Variants in TPRG1 observed in about 807,000 individuals in gnomAD.
The protein encoded by TPRG1 is tumor protein p63 regulated 1.
Under a neutral mutation model 29.3 loss-of-function variants are expected in TPRG1, and 29 were observed. The ratio of observed to expected loss-of-function variants is 0.99; its 90% CI spans 0.74 to 1.35. The LOEUF is 1.35. Among genes scored for constraint, TPRG1 ranks in the 40% most tolerant of loss-of-function variants. TPRG1 has a pLI of 0.00. For synonymous variants in TPRG1, 130 were observed against 116.8 expected (o/e 1.11, Z -0.73); for missense variants, 327 against 335.0 (o/e 0.98, Z 0.19).
chr3:189,059,746 A>G (rs1393014902), intron 4 of TPRG1, among the ~76,000 whole-genome samples: 1 of 152,240 alleles, frequency 6.6e-6, no homozygotes, highest in Non-Finnish European at 1.5e-5. Context: ...GTAGTTATAT[A>G]GCTGGGATTC....
intron 4 of TPRG1, among the ~76,000 whole-genome samples, chr3:189,245,708 A>G (rs1474072964): frequency 6.6e-6 from 1 of 152,092 alleles, no homozygotes. Flanking sequence ...TGCTATTTAG[A>G]TTATATATAT....
At chr3:189,202,822 A>G (rs1439952507) in intron 1 of TPRG1, among the ~76,000 whole-genome samples, 1 of 152,160 alleles carries the variant, frequency 6.6e-6, no homozygotes, top group East Asian at 1.9e-4. Flanking sequence ...GTCCTGCTTC[A>G]TGGAAGCCGT....
intron 5 of TPRG1, among the ~76,000 whole-genome samples, chr3:189,311,644 C>T (rs543662372): frequency 6.6e-6 from 1 of 152,244 alleles, no homozygotes; most frequent in South Asian, 2.1e-4. Flanking sequence ...ATGTTCCTCT[C>T]AAGAATTATG....
intron 1 of TPRG1, among the ~76,000 whole-genome samples, chr3:189,198,210 C>G (rs1732867072): frequency 6.6e-6 from 1 of 152,144 alleles, no homozygotes; most frequent in Non-Finnish European, 1.5e-5. Context: ...CACACATTTG[C>G]CTGGAACATC....
intron 1 of TPRG1, among the ~76,000 whole-genome samples, chr3:189,189,811 C>G (rs1369913406): frequency 6.6e-6 from 1 of 152,190 alleles, no homozygotes; most frequent in Non-Finnish European, 1.5e-5. Context: ...ATAGCATTTT[C>G]TAATAAGTAT....
chr3:189,167,919 C>T (rs1728355198), upstream of TPRG1, among the ~76,000 whole-genome samples: 1 of 152,172 alleles, frequency 6.6e-6, no homozygotes, highest in African/African-American at 2.4e-5. Flanking sequence ...AGACGATCCT[C>T]TGAAGGTCAC....
chr3:189,207,719 A>G (rs935615922), intron 2 of TPRG1, 125 bp downstream of exon 2: 2 of 863,648 alleles, frequency 2.3e-6, no homozygotes, highest in African/African-American at 3.4e-5. Context: ...CATAATAATC[A>G]TGAAGTAGCT....
intron 3 of TPRG1, among the ~76,000 whole-genome samples, chr3:189,224,051 A>T (rs185660279): frequency 4.6e-5 from 7 of 152,340 alleles, no homozygotes; most frequent in Non-Finnish European, 1.0e-4. Flanking sequence ...GTCACAACAG[A>T]GTATGATACA....
At chr3:189,105,810 T>G (rs1033851416) in intron 1 of TPRG1, among the ~76,000 whole-genome samples, 4 of 152,160 alleles carry the variant, frequency 2.6e-5, no homozygotes, top group African/African-American at 9.7e-5. Context: ...AAGCTTACTT[T>G]GGATATAGAG....
At chr3:189,144,576 T>G (rs1724998368) in intron 3 of TPRG1, among the ~76,000 whole-genome samples, 1 of 152,190 alleles carries the variant, frequency 6.6e-6, no homozygotes, top group South Asian at 2.1e-4. Flanking sequence ...TTTTCTCTTT[T>G]AATAAAGGGG....
chr3:189,070,257 G>A (rs745673445), intron 4 of TPRG1, among the ~76,000 whole-genome samples: 27 of 152,154 alleles, frequency 1.8e-4, no homozygotes, highest in Non-Finnish European at 3.5e-4. Flanking sequence ...AGGGAGTCGT[G>A]ATGAAAGAGG....
intron 4 of TPRG1, among the ~76,000 whole-genome samples, chr3:189,065,631 A>C (rs1716388792): frequency 6.6e-6 from 1 of 152,186 alleles, no homozygotes; most frequent in Non-Finnish European, 1.5e-5. Flanking sequence ...CAGGATAAAA[A>C]CATTTAGCAA....
chr3:189,167,626 C>A (rs1439027293), upstream of TPRG1, among the ~76,000 whole-genome samples: 1 of 152,186 alleles, frequency 6.6e-6, no homozygotes, highest in Non-Finnish European at 1.5e-5. Flanking sequence ...CTTCTACCTG[C>A]AGGCCTGTGT....
Position 189,315,498 on chromosome 3 carries a change from A to G in TPRG1, c.633+4959A>G, listed in dbSNP as rs556242499. On this transcript the variant is annotated intron_variant, in intron 5 of 5. Transcript: ENST00000345063. ...GCTTTGCTGGGTTCCTACAGTATGC[A>G]GAGACTACTGCTGGGAAGGATGAGT... 6 of 456,106 alleles carry G rather than the reference A, an allele frequency of 1.3e-5. No individual in the cohort carries two copies. The East Asian group carries it at 3.5e-4, about 26-fold the overall frequency. 28.3% of individuals were successfully genotyped at this position (456,106 alleles called of 1,614,324 possible). A position where few individuals can be genotyped will look rare whatever the true frequency, so the allele number is the denominator to read the frequency against.
At chr3:189,177,761 C>G (rs1229511277) in intron 1 of TPRG1, among the ~76,000 whole-genome samples, 2 of 152,096 alleles carry the variant, frequency 1.3e-5, no homozygotes, top group African/African-American at 4.8e-5. Context: ...CTTAGAATCT[C>G]TATCACATGG....
chr3:189,173,731 T>C (rs1308373680), intron 1 of TPRG1, among the ~76,000 whole-genome samples: 1 of 152,096 alleles, frequency 6.6e-6, no homozygotes, highest in East Asian at 1.9e-4. Context: ...TACTCTTTCA[T>C]TGCCCACAAT....
chr3:189,203,051 G>T (rs1241018628), intron 1 of TPRG1, among the ~76,000 whole-genome samples: 1 of 152,086 alleles, frequency 6.6e-6, no homozygotes, highest in Non-Finnish European at 1.5e-5. Flanking sequence ...ATTTCAGGGG[G>T]TCTGTTTCAA....
At chr3:189,277,159 C>T (rs1178080975) in intron 4 of TPRG1, among the ~76,000 whole-genome samples, 1 of 152,058 alleles carries the variant, frequency 6.6e-6, no homozygotes, top group Non-Finnish European at 1.5e-5. Context: ...ATGTGGCTTT[C>T]TGCCCAACCA....
intron 3 of TPRG1, among the ~76,000 whole-genome samples, chr3:189,023,214 G>T (rs1713462957): frequency 6.6e-6 from 1 of 152,196 alleles, no homozygotes; most frequent in Non-Finnish European, 1.5e-5. Context: ...GGGAGCTGCA[G>T]ACCGGAGCTG....
Sources: allele counts gnomAD v4.1 joint callset (sites outside exome capture counted in the v4.1 genomes callset), GRCh38; gene constraint gnomAD v4.1.1; transcripts MANE v1.5; gene names NCBI Gene and HGNC (gene_info 2026-07-23, HGNC 2026-07-21).